GRB10: variants seen among roughly 807,000 people sequenced by gnomAD.
GRB10 encodes the protein growth factor receptor-bound protein 10.
Under a neutral mutation model 80.9 loss-of-function variants are expected in GRB10, and 20 were observed. The observed-to-expected ratio is 0.25, with a 90% CI of 0.17 to 0.36. The LOEUF is 0.36. Among genes scored for constraint, GRB10 ranks in the 10% least tolerant of loss-of-function variants. The probability of loss-of-function intolerance (pLI) is 1.00; values close to 1 mark genes in which losing one functional copy is unlikely to be tolerated. For missense variants in GRB10, 548 were observed against 747.7 expected, an observed-to-expected ratio of 0.73 and a Z score of 3.12; for synonymous variants, 291 against 291.5, an observed-to-expected ratio of 1.00 and a Z score of 0.02.
chr7:50,710,879 C>A (rs781457247), intron 4 of GRB10: 1 of 1,612,690 alleles, frequency 6.2e-7, no homozygotes, highest in Middle Eastern at 1.7e-4. Flanking sequence ...ACTGACCTTA[C>A]TACGGAACAG....
chr7:50,618,819 G>A (rs2051118082), intron 9 of GRB10, among the ~76,000 whole-genome samples: 1 of 152,230 alleles, frequency 6.6e-6, no homozygotes, highest in Non-Finnish European at 1.5e-5. Flanking sequence ...GCTATTTGCA[G>A]AGAATAATGA....
At chr7:50,656,314 T>G (rs961517943) in intron 7 of GRB10, among the ~76,000 whole-genome samples, 3 of 152,176 alleles carry the variant, frequency 2.0e-5, no homozygotes, top group Non-Finnish European at 4.4e-5. Flanking sequence ...CCTGTGGACT[T>G]GAGACCATGT....
chr7:50,779,812 T>C, intron 2 of GRB10: 1 of 152,208 alleles, frequency 6.6e-6, no homozygotes, highest in South Asian at 2.1e-4. Context: ...TGTAGGTGAC[T>C]TACAGGTACC....
intron 8 of GRB10, among the ~76,000 whole-genome samples, chr7:50,624,868 C>T (rs1217369450): frequency 6.6e-6 from 1 of 151,194 alleles, no homozygotes; most frequent in Non-Finnish European, 1.5e-5. Flanking sequence ...CACAAATATT[C>T]CTCTTTTTTT....
chr7:50,607,362 C>T (rs2048725488), intron 13 of GRB10, among the ~76,000 whole-genome samples: 2 of 152,108 alleles, frequency 1.3e-5, no homozygotes, highest in African/African-American at 4.8e-5. Context: ...ATAAAAAAAT[C>T]TCTAAGTGGA....
At position 50,775,171 on chromosome 7, in the gene GRB10, AAAC is replaced by A. The variant is rs1368679055; in HGVS notation, c.-217+5453_-217+5455del. 1.7e-3 allele frequency among the ~76,000 whole-genome samples: 162 copies of A among 97,456 alleles called. 20 individuals are homozygous for A. The highest frequency in any genetic ancestry group is 4.6e-3 in the East Asian group (13 of 2,818). The allele number at this position is 97,456 out of a possible 152,430, so 63.9% of individuals were successfully genotyped here. On this transcript the variant is annotated intron_variant, in intron 2 of 18. Transcript: ENST00000401949. ...GTGAGATCCTGTCTCCAAAAAAAAA[AAAC>A]AAAAAAAAACAGTGGAACAGACAAA...
intron 5 of GRB10, among the ~76,000 whole-genome samples, chr7:50,676,968 G>T (rs557244053): frequency 6.6e-6 from 1 of 152,218 alleles, no homozygotes; most frequent in African/African-American, 2.4e-5. Context: ...CTTGCTGGAA[G>T]AACAGAGGCC....
chr7:50,671,455 T>C (rs537127517), intron 6 of GRB10, among the ~76,000 whole-genome samples: 7 of 152,342 alleles, frequency 4.6e-5, no homozygotes, highest in African/African-American at 1.7e-4. Flanking sequence ...CTATCCCACG[T>C]AGACCAGCAA....
chr7:50,715,064 C>T (rs2066637480), intron 4 of GRB10, among the ~76,000 whole-genome samples: 1 of 151,872 alleles, frequency 6.6e-6, no homozygotes, highest in South Asian at 2.1e-4. Flanking sequence ...TTGGTGGTGG[C>T]TTTTCCTCAT....
intron 7 of GRB10, among the ~76,000 whole-genome samples, chr7:50,666,245 G>A (rs185471004): frequency 3.3e-5 from 5 of 152,308 alleles, no homozygotes; most frequent in Admixed American, 2.0e-4. Context: ...AAGCTCACGA[G>A]AGCAGGGCCC....
intron 7 of GRB10, among the ~76,000 whole-genome samples, chr7:50,628,079 G>C (rs980333478): frequency 6.6e-6 from 1 of 152,150 alleles, no homozygotes; most frequent in African/African-American, 2.4e-5. Context: ...CACAACAACC[G>C]CAACAACACA....
chr7:50,656,329 G>A (rs1307899230), intron 7 of GRB10, among the ~76,000 whole-genome samples: 2 of 152,172 alleles, frequency 1.3e-5, no homozygotes, highest in Non-Finnish European at 2.9e-5. Context: ...CCATGTCAGG[G>A]AGGCAGCGGC....
chr7:50,751,266 T>C (rs538205743), intron 3 of GRB10, among the ~76,000 whole-genome samples: 1 of 152,298 alleles, frequency 6.6e-6, no homozygotes, highest in African/African-American at 2.4e-5. Flanking sequence ...GGAAGGACAC[T>C]GCTTTCCTAG....
intron 1 of GRB10, among the ~76,000 whole-genome samples, chr7:50,790,412 GA>G (rs112163168): frequency 5.4e-5 from 8 of 149,228 alleles, no homozygotes; most frequent in South Asian, 2.1e-4. Flanking sequence ...CCACTACCAG[GA>G]AAAAAAAAAG....
At chr7:50,607,788 A>T (rs994838216) in intron 13 of GRB10, among the ~76,000 whole-genome samples, 1 of 152,154 alleles carries the variant, frequency 6.6e-6, no homozygotes, top group Non-Finnish European at 1.5e-5. Context: ...GATCCTGGCA[A>T]TGAGGACTCA....
upstream of GRB10, among the ~76,000 whole-genome samples, chr7:50,787,457 T>C (rs1411074973): frequency 6.6e-6 from 1 of 152,212 alleles, no homozygotes; most frequent in Non-Finnish European, 1.5e-5. Context: ...TTAAAATAGT[T>C]TGCTCTGGGT....
intron 7 of GRB10, among the ~76,000 whole-genome samples, chr7:50,667,166 A>G (rs771750413): frequency 6.6e-6 from 1 of 152,098 alleles, no homozygotes; most frequent in Non-Finnish European, 1.5e-5. Context: ...GGAAGTTTAA[A>G]TATCTCTACT....
At chr7:50,671,174 C>G (rs1563374536) in intron 6 of GRB10, among the ~76,000 whole-genome samples, 1 of 152,174 alleles carries the variant, frequency 6.6e-6, no homozygotes, top group Non-Finnish European at 1.5e-5. Context: ...GCGGCCCTGT[C>G]TGCAGCCTCC....
intron 7 of GRB10, among the ~76,000 whole-genome samples, chr7:50,650,854 A>G (rs2057922106): frequency 7.5e-6 from 1 of 132,732 alleles, no homozygotes; most frequent in South Asian, 2.5e-4. Context: ...CCTGGGAGAA[A>G]AAAAATCAAG....
Sources: gnomAD v4.1 joint callset for allele counts (sites outside exome capture counted in the v4.1 genomes callset) on GRCh38, gnomAD v4.1.1 for gene constraint, MANE v1.5 for transcripts, NCBI Gene and HGNC (gene_info 2026-07-23, HGNC 2026-07-21) for gene names.